Variants in GOLPH3 observed in about 807,000 individuals in gnomAD.
The protein encoded by GOLPH3 is golgi phosphoprotein 3.
A neutral mutation model predicts 28.5 loss-of-function variants in GOLPH3; 14 were observed. The observed-to-expected ratio is 0.49, with a 90% confidence interval of 0.32 to 0.77. GOLPH3 has a LOEUF of 0.77. GOLPH3 is among the 30% of genes least tolerant of loss of function. GOLPH3 has a pLI of 0.03. For synonymous variants in GOLPH3, 158 were observed against 159.2 expected, an observed-to-expected ratio of 0.99 and a Z score of 0.06; for missense variants, 350 against 393.7, an observed-to-expected ratio of 0.89 and a Z score of 0.94.
intron 1 of GOLPH3, among the ~76,000 whole-genome samples, chr5:32,164,691 G>A (rs928795224): frequency 3.3e-5 from 5 of 151,924 alleles, no homozygotes; most frequent in East Asian, 3.9e-4. Flanking sequence ...TACCGCGCCC[G>A]GCCAAGAGTA....
chr5:32,143,905 A>G (rs1188787337), intron 1 of GOLPH3, 25 bp from the exon 2 acceptor site: 12 of 1,443,698 alleles, frequency 8.3e-6, no homozygotes, highest in Non-Finnish European at 1.1e-5. Flanking sequence ...AGAAGAAATA[A>G]AACAAAATAG....
chr5:32,131,579 G>C (rs764765637), intron 3 of GOLPH3, among the ~76,000 whole-genome samples: 1 of 152,246 alleles, frequency 6.6e-6, no homozygotes, highest in African/African-American at 2.4e-5. Flanking sequence ...GATCCATGCT[G>C]TTAGTCCTCA....
intron 1 of GOLPH3, among the ~76,000 whole-genome samples, chr5:32,156,544 T>C (rs1484414660): frequency 6.6e-6 from 1 of 152,120 alleles, no homozygotes; most frequent in Non-Finnish European, 1.5e-5. Flanking sequence ...ACACTGTCTA[T>C]TGTGGTAGTC....
intron 1 of GOLPH3, among the ~76,000 whole-genome samples, chr5:32,155,685 C>T (rs1746403917): frequency 1.3e-5 from 2 of 152,022 alleles, no homozygotes; most frequent in African/African-American, 2.4e-5. Context: ...TAGCCGGAAG[C>T]GGTGGCTCAT....
intron 3 of GOLPH3, among the ~76,000 whole-genome samples, chr5:32,133,172 C>T (rs773013119): frequency 6.6e-6 from 1 of 152,158 alleles, no homozygotes; most frequent in Non-Finnish European, 1.5e-5. Flanking sequence ...AGCTTTTAGA[C>T]TTCTCATCTT....
intron 1 of GOLPH3, among the ~76,000 whole-genome samples, chr5:32,148,675 T>TAGTC (rs1746232552): frequency 6.6e-6 from 1 of 152,076 alleles, no homozygotes; most frequent in Non-Finnish European, 1.5e-5. Flanking sequence ...TGGGCACCTG[T>TAGTC]AGTCCCAGCT....
chr5:32,171,960 A>T (rs1430664151), intron 1 of GOLPH3, among the ~76,000 whole-genome samples: 1 of 152,146 alleles, frequency 6.6e-6, no homozygotes, highest in East Asian at 1.9e-4. Context: ...AAAAAGAAAA[A>T]AAAAAAGACA....
At chr5:32,145,418 G>C (rs1297474784) in intron 1 of GOLPH3, among the ~76,000 whole-genome samples, 1 of 152,192 alleles carries the variant, frequency 6.6e-6, no homozygotes, top group East Asian at 1.9e-4. Flanking sequence ...ATAGAGGTTA[G>C]GTAAAATGCG....
At chr5:32,127,682 G>A (rs1745714390) in intron 3 of GOLPH3, among the ~76,000 whole-genome samples, 1 of 152,188 alleles carries the variant, frequency 6.6e-6, no homozygotes, top group Admixed American at 6.5e-5. Flanking sequence ...AAAATTTTAA[G>A]TTGCTGTCTT....
At chr5:32,153,088 A>C (rs1291228250) in intron 1 of GOLPH3, among the ~76,000 whole-genome samples, 2 of 152,238 alleles carry the variant, frequency 1.3e-5, no homozygotes, top group African/African-American at 2.4e-5. Flanking sequence ...TCCATCAATA[A>C]GGGACTGGAT....
At chr5:32,148,856 TC>T (rs1249260838) in intron 1 of GOLPH3, among the ~76,000 whole-genome samples, 1 of 151,998 alleles carries the variant, frequency 6.6e-6, no homozygotes, top group African/African-American at 2.4e-5. Flanking sequence ...ATGCCTGTAA[TC>T]CCAGCTACTC....
At chr5:32,142,020 C>T (rs1222734068) in intron 2 of GOLPH3, among the ~76,000 whole-genome samples, 6 of 152,012 alleles carry the variant, frequency 3.9e-5, no homozygotes, top group African/African-American at 1.2e-4. Flanking sequence ...TCTGCCCGGC[C>T]GCCACCCCGT....
intron 1 of GOLPH3, among the ~76,000 whole-genome samples, chr5:32,152,180 G>A (rs1265635344): frequency 6.6e-6 from 1 of 151,384 alleles, no homozygotes; most frequent in African/African-American, 2.4e-5. Flanking sequence ...AGGCTGGAGT[G>A]CAGTGGCACA....
intron 1 of GOLPH3, among the ~76,000 whole-genome samples, 165 bp from the exon 2 acceptor site, chr5:32,144,045 G>A (rs935844478): frequency 2.0e-5 from 3 of 151,928 alleles, no homozygotes; most frequent in African/African-American, 7.3e-5. Flanking sequence ...ATTACTAATC[G>A]AGAATTTTCG....
chr5:32,148,776 A>G (rs1746235938), intron 1 of GOLPH3, among the ~76,000 whole-genome samples: 1 of 152,202 alleles, frequency 6.6e-6, no homozygotes, highest in Non-Finnish European at 1.5e-5. Flanking sequence ...CAGCCTGGGC[A>G]AGAGAGCAAG....
At chr5:32,155,053 C>A (rs867664014) in intron 1 of GOLPH3, among the ~76,000 whole-genome samples, 9 of 141,442 alleles carry the variant, frequency 6.4e-5, no homozygotes, top group African/African-American at 2.2e-4. Context: ...GACCCAAGAT[C>A]GCACCACTGC....
chr5:32,165,842 G>A (rs1187349699), intron 1 of GOLPH3, among the ~76,000 whole-genome samples: 1 of 152,170 alleles, frequency 6.6e-6, no homozygotes, highest in African/African-American at 2.4e-5. Context: ...CATTTAGCAA[G>A]ATGAGAACCT....
intron 3 of GOLPH3, among the ~76,000 whole-genome samples, chr5:32,128,966 C>T (rs865944092): frequency 6.6e-6 from 1 of 151,920 alleles, no homozygotes; most frequent in Admixed American, 6.6e-5. Context: ...TGGCGGGTTA[C>T]GCTTGTAATC....
At chr5:32,127,574 C>T (rs1745711930) in intron 3 of GOLPH3, among the ~76,000 whole-genome samples, 1 of 152,184 alleles carries the variant, frequency 6.6e-6, no homozygotes, top group African/African-American at 2.4e-5. Context: ...GTGGCACTAG[C>T]CACATTTCAC....
Sources: allele counts gnomAD v4.1 joint callset (sites outside exome capture counted in the v4.1 genomes callset), GRCh38; gene constraint gnomAD v4.1.1; transcripts MANE v1.5; gene names NCBI Gene and HGNC (gene_info 2026-07-23, HGNC 2026-07-21).